Variants in GPBP1 observed in about 807,000 individuals in gnomAD.
The protein encoded by GPBP1 is vasculin.
A neutral mutation model predicts 56.5 loss-of-function variants in GPBP1; 13 were observed. The observed-to-expected ratio is 0.23, with a 90% CI of 0.15 to 0.37. The LOEUF (loss-of-function observed/expected upper bound fraction) is 0.37, where lower values mean the gene tolerates loss of function less well. Ranked by LOEUF, GPBP1 falls within the 10% of genes least tolerant of loss-of-function variation. The pLI is 1.00. For missense variants in GPBP1, 477 were observed against 572.3 expected (o/e 0.83, Z 1.70); for synonymous variants, 204 against 188.9 (o/e 1.08, Z -0.66).
At chr5:57,192,077 C>CTT (rs925381967) in intron 2 of GPBP1, among the ~76,000 whole-genome samples, 2 of 152,238 alleles carry the variant, frequency 1.3e-5, no homozygotes, top group South Asian at 4.1e-4. Flanking sequence ...ATATAGATCC[C>CTT]TTGCAAGGAC....
chr5:57,243,132 A>G (rs1740912378), intron 6 of GPBP1, among the ~76,000 whole-genome samples: 1 of 150,766 alleles, frequency 6.6e-6, no homozygotes, highest in African/African-American at 2.4e-5. Flanking sequence ...CGGTGGTGTG[A>G]TCTTGGCTCA....
chr5:57,211,381 G>A (rs906288346), intron 2 of GPBP1, among the ~76,000 whole-genome samples: 3 of 151,936 alleles, frequency 2.0e-5, no homozygotes, highest in Non-Finnish European at 2.9e-5. Context: ...AGAGACGGGA[G>A]TCTTACCATG....
chr5:57,214,288 A>G, intron 3 of GPBP1, 95 bp downstream of exon 3: 3 of 1,121,226 alleles, frequency 2.7e-6, no homozygotes, highest in Non-Finnish European at 4.1e-6. Context: ...ATATCTTTGC[A>G]GAGAAGTACA....
At chr5:57,256,088 T>C (rs756507423) in intron 10 of GPBP1, among the ~76,000 whole-genome samples, 19 of 152,110 alleles carry the variant, frequency 1.2e-4, no homozygotes, top group Non-Finnish European at 2.4e-4. Context: ...AAACCCCATC[T>C]CTACTAAAAA....
intron 2 of GPBP1, among the ~76,000 whole-genome samples, chr5:57,179,814 T>A (rs1753961928): frequency 6.6e-6 from 1 of 152,134 alleles, no homozygotes; most frequent in South Asian, 2.1e-4. Flanking sequence ...GTCAGGCTGT[T>A]CTCAAACTCC....
At chr5:57,205,126 C>G (rs914237920) in intron 2 of GPBP1, among the ~76,000 whole-genome samples, 2 of 152,202 alleles carry the variant, frequency 1.3e-5, no homozygotes, top group Non-Finnish European at 2.9e-5. Context: ...TCCCAACAGT[C>G]TCTAGTAACA....
chr5:57,188,607 G>A (rs936525167), intron 2 of GPBP1, among the ~76,000 whole-genome samples: 9 of 152,026 alleles, frequency 5.9e-5, no homozygotes, highest in Non-Finnish European at 8.8e-5. Context: ...GCTGGGCATG[G>A]TATTGGGTGC....
chr5:57,224,462 C>T (rs942269290), intron 3 of GPBP1, among the ~76,000 whole-genome samples: 22 of 152,042 alleles, frequency 1.4e-4, no homozygotes, highest in Non-Finnish European at 1.9e-4. Flanking sequence ...AGGCTAGTCT[C>T]GAACTCCTGA....
chr5:57,226,729 CTTTTTTTTTTTTTTTT>C (rs70999067), intron 3 of GPBP1, among the ~76,000 whole-genome samples: 9 of 77,098 alleles, frequency 1.2e-4, no homozygotes, highest in Non-Finnish European at 1.5e-4. Flanking sequence ...TTTTTGTATT[CTTTTTTTTTTTTTTTT>C]TTTTTTTTTT....
chr5:57,187,132 T>C (rs1055211413), intron 2 of GPBP1, among the ~76,000 whole-genome samples: 16 of 152,042 alleles, frequency 1.1e-4, no homozygotes, highest in African/African-American at 3.9e-4. Context: ...ACATTGGATG[T>C]CTTACATTTT....
chr5:57,202,847 T>A (rs1755078626), intron 2 of GPBP1, among the ~76,000 whole-genome samples: 1 of 152,222 alleles, frequency 6.6e-6, no homozygotes, highest in East Asian at 1.9e-4. Flanking sequence ...ATGAGTTGAT[T>A]TAAATTAAAT....
intron 3 of GPBP1, among the ~76,000 whole-genome samples, chr5:57,221,631 C>T (rs1270243920): frequency 1.3e-5 from 2 of 152,142 alleles, no homozygotes; most frequent in South Asian, 2.1e-4. Flanking sequence ...TGGAACTTTA[C>T]TATGATGAAT....
At chr5:57,259,678 C>A (rs1741808257) in intron 10 of GPBP1, among the ~76,000 whole-genome samples, 1 of 152,090 alleles carries the variant, frequency 6.6e-6, no homozygotes, top group African/African-American at 2.4e-5. Flanking sequence ...AAGGTGGATG[C>A]CTAATGATTT....
intron 2 of GPBP1, among the ~76,000 whole-genome samples, chr5:57,186,820 G>T (rs140985290): frequency 6.6e-6 from 1 of 151,978 alleles, no homozygotes; most frequent in African/African-American, 2.4e-5. Context: ...ATCCTCCTGC[G>T]TTGGCCTCCC....
intron 10 of GPBP1, among the ~76,000 whole-genome samples, chr5:57,255,066 G>C (rs942220658): frequency 6.6e-6 from 1 of 151,982 alleles, no homozygotes; most frequent in Non-Finnish European, 1.5e-5. Flanking sequence ...GAATTTTTTT[G>C]ATCATTCTAA....
intron 6 of GPBP1, among the ~76,000 whole-genome samples, chr5:57,245,251 A>G (rs1184054987): frequency 6.6e-6 from 1 of 152,190 alleles, no homozygotes. Context: ...CTTTTCTCAG[A>G]TTATTTTAAG....
intron 2 of GPBP1, among the ~76,000 whole-genome samples, chr5:57,191,667 T>G (rs1466747373): frequency 6.6e-6 from 1 of 152,082 alleles, no homozygotes; most frequent in Non-Finnish European, 1.5e-5. Flanking sequence ...GTTCAAGTGA[T>G]TCTCCTGCCT....
intron 3 of GPBP1, among the ~76,000 whole-genome samples, chr5:57,226,014 T>C (rs1338423366): frequency 6.6e-6 from 1 of 152,256 alleles, no homozygotes; most frequent in African/African-American, 2.4e-5. Context: ...ACAGTGTTCA[T>C]GTTTCTGAAC....
intron 10 of GPBP1, among the ~76,000 whole-genome samples, chr5:57,251,833 T>TTCTTACCAACACATGGTACCATCTA (rs1741406856): frequency 6.6e-6 from 1 of 152,206 alleles, no homozygotes; most frequent in Non-Finnish European, 1.5e-5. Context: ...TTTCTCCACA[T>TTCTTACCAACACATGGTACCATCTA]TCTTACCAAC....
Sources: gnomAD v4.1 joint callset for allele counts (sites outside exome capture counted in the v4.1 genomes callset) on GRCh38, gnomAD v4.1.1 for gene constraint, MANE v1.5 for transcripts, NCBI Gene and HGNC (gene_info 2026-07-23, HGNC 2026-07-21) for gene names.